The following SOX6 variants were observed in gnomAD, a reference collection of about 807,000 sequenced individuals.
SOX6 encodes the protein SRY-box transcription factor 6, also known as transcription factor SOX-6.
In SOX6, 11 loss-of-function variants were observed where a neutral mutation model predicts 97.8. That is an observed-to-expected ratio of 0.11 (90% CI 0.07 to 0.19). SOX6 has a LOEUF of 0.19. SOX6 is among the 10% of genes least tolerant of loss of function. The pLI, the probability that SOX6 is intolerant of heterozygous loss-of-function variation, is 1.00. For synonymous variants in SOX6, 360 were observed against 371.4 expected, an observed-to-expected ratio of 0.97 and a Z score of 0.35; for missense variants, 810 against 1,039.5, an observed-to-expected ratio of 0.78 and a Z score of 3.04.
At chr11:16,537,467 G>C (rs576254573) in intron 4 of SOX6, among the ~76,000 whole-genome samples, 1 of 152,272 alleles carries the variant, frequency 6.6e-6, no homozygotes, top group Non-Finnish European at 1.5e-5. Context: ...ACTGGATGGA[G>C]AATGAGTTTG....
intron 4 of SOX6, among the ~76,000 whole-genome samples, chr11:16,211,841 A>C (rs1852242534): frequency 6.6e-6 from 1 of 152,212 alleles, no homozygotes; most frequent in African/African-American, 2.4e-5. Context: ...TTAAGAGAGA[A>C]GCAAATGGAA....
At chr11:16,598,887 T>A (rs1848240038) in intron 4 of SOX6, among the ~76,000 whole-genome samples, 1 of 151,618 alleles carries the variant, frequency 6.6e-6, no homozygotes, top group Non-Finnish European at 1.5e-5. Context: ...AACAACAAAT[T>A]ATTGAAGGTA....
At chr11:16,231,230 T>C (rs1852839362) in intron 4 of SOX6, among the ~76,000 whole-genome samples, 1 of 151,618 alleles carries the variant, frequency 6.6e-6, no homozygotes, top group Non-Finnish European at 1.5e-5. Flanking sequence ...ATGCAACATA[T>C]ATCACAAATA....
At chr11:16,251,662 T>C (rs10832573) in intron 3 of SOX6, among the ~76,000 whole-genome samples, 25,306 of 152,058 alleles carry the variant, frequency 0.17, 2,598 homozygotes, top group Admixed American at 0.29. Context: ...CAAACATTCA[T>C]GGAGGAAATA....
chr11:16,660,005 T>A (rs560183190), intron 3 of SOX6, among the ~76,000 whole-genome samples: 97 of 152,284 alleles, frequency 6.4e-4, no homozygotes, highest in Non-Finnish European at 1.0e-3. Flanking sequence ...AATGTGTGTC[T>A]TCTTTTTTCT....
intron 4 of SOX6, among the ~76,000 whole-genome samples, chr11:16,600,490 T>C (rs1380693055): frequency 2.0e-5 from 3 of 152,186 alleles, no homozygotes; most frequent in Non-Finnish European, 4.4e-5. Context: ...TTTTTAAGAC[T>C]ACCACAGATT....
intron 3 of SOX6, among the ~76,000 whole-genome samples, chr11:16,697,349 T>C (rs1010254705): frequency 2.0e-5 from 3 of 152,160 alleles, no homozygotes; most frequent in Non-Finnish European, 2.9e-5. Context: ...AGATTTTTTA[T>C]TGGGCCAGGT....
Position 16,558,178 on chromosome 11 carries a change from G to C in SOX6, n.609+53903C>G, listed in dbSNP as rs1847769395. Among the ~76,000 whole-genome samples, 3 of 151,916 alleles carry C rather than the reference G, an allele frequency of 2.0e-5. No homozygotes were observed. In the South Asian group the frequency reaches 6.2e-4, roughly 32 times the overall value. The stretch of plus-strand genomic sequence containing the variant: ...TTTTCCTGAATAGTGGTCATAGTAG[G>C]ACTAGGATAGCTCTATAAACTCTGA... On this transcript the variant is annotated intron_variant and non_coding_transcript_variant, in intron 4 of 5. Transcript: ENST00000524520.
chr11:16,657,170 T>C (rs1382903487), intron 3 of SOX6, among the ~76,000 whole-genome samples: 2 of 152,246 alleles, frequency 1.3e-5, no homozygotes, highest in Non-Finnish European at 2.9e-5. Context: ...ACTGTCTCCA[T>C]AGTTTTGCTT....
At chr11:16,585,199 G>T (rs745890196) in intron 4 of SOX6, among the ~76,000 whole-genome samples, 8 of 152,130 alleles carry the variant, frequency 5.3e-5, no homozygotes, top group African/African-American at 1.9e-4. Context: ...TTCACATTAC[G>T]TTTCAGTAGT....
intron 1 of SOX6, among the ~76,000 whole-genome samples, chr11:16,420,322 T>A (rs1858998446): frequency 6.6e-6 from 1 of 152,156 alleles, no homozygotes; most frequent in East Asian, 1.9e-4. Flanking sequence ...GTATTTGAGA[T>A]GAATATTTGA....
chr11:16,635,890 A>C (rs553484395), intron 3 of SOX6, among the ~76,000 whole-genome samples: 9 of 152,330 alleles, frequency 5.9e-5, no homozygotes, highest in Non-Finnish European at 1.3e-4. Flanking sequence ...GTGCAGAAAC[A>C]AGAATTGAGG....
At chr11:15,984,935 A>T (rs1430071232) in intron 15 of SOX6, among the ~76,000 whole-genome samples, 1 of 152,210 alleles carries the variant, frequency 6.6e-6, no homozygotes, top group African/African-American at 2.4e-5. Context: ...TCTTCTCAAC[A>T]ATCATACAAG....
At chr11:16,283,350 A>T (rs56125939) in intron 3 of SOX6, among the ~76,000 whole-genome samples, 1,784 of 151,140 alleles carry the variant, frequency 0.012, 32 homozygotes, top group African/African-American at 0.04. Context: ...AGAAATATAT[A>T]TCAAAAACAT....
chr11:16,102,988 C>A (rs1013508597), intron 7 of SOX6, among the ~76,000 whole-genome samples: 4 of 151,694 alleles, frequency 2.6e-5, no homozygotes, highest in African/African-American at 9.7e-5. Flanking sequence ...TCACCAAGAA[C>A]CCAAAAGCAA....
chr11:16,091,687 T>C (rs566842242), intron 9 of SOX6, among the ~76,000 whole-genome samples: 1 of 152,180 alleles, frequency 6.6e-6, no homozygotes, highest in East Asian at 1.9e-4. Context: ...GTAGTTTCAT[T>C]TAAGAATAAC....
chr11:16,536,467 G>C (rs576722579), intron 4 of SOX6, among the ~76,000 whole-genome samples: 71 of 152,318 alleles, frequency 4.7e-4, no homozygotes, highest in African/African-American at 1.7e-3. Context: ...AGTGGGTGCA[G>C]CCCATGGAGG....
At chr11:16,076,986 C>T (rs1457532992) in intron 9 of SOX6, among the ~76,000 whole-genome samples, 2 of 151,774 alleles carry the variant, frequency 1.3e-5, no homozygotes, top group Non-Finnish European at 2.9e-5. Context: ...ATCTCCTGAC[C>T]TCATGATCCA....
chr11:16,428,365 CA>C (rs1859196641), intron 1 of SOX6, among the ~76,000 whole-genome samples: 1 of 152,088 alleles, frequency 6.6e-6, no homozygotes, highest in African/African-American at 2.4e-5. Context: ...CTTTTGTTGC[CA>C]TTGCTTTTGG....
Sources: allele counts gnomAD v4.1 joint callset (sites outside exome capture counted in the v4.1 genomes callset), GRCh38; gene constraint gnomAD v4.1.1; transcripts MANE v1.5; gene names NCBI Gene and HGNC (gene_info 2026-07-23, HGNC 2026-07-21).